The following ADAM17 variants were observed in gnomAD, a reference collection of about 807,000 sequenced individuals.
ADAM17 encodes disintegrin and metalloproteinase domain-containing protein 17.
A neutral mutation model predicts 96.7 loss-of-function variants in ADAM17; 39 were observed. That is an observed-to-expected ratio of 0.40 (90% CI 0.31 to 0.53). The LOEUF (loss-of-function observed/expected upper bound fraction) is 0.53, where lower values mean the gene tolerates loss of function less well. Ranked by LOEUF, ADAM17 falls within the 20% of genes least tolerant of loss-of-function variation. The pLI is 0.44. For missense variants in ADAM17, 777 were observed against 1,013.2 expected, an observed-to-expected ratio of 0.77 and a Z score of 3.17; for synonymous variants, 344 against 359.2, an observed-to-expected ratio of 0.96 and a Z score of 0.48.
rs34863481 is a variant in ADAM17 at position 9,518,259 on chromosome 2, C to CAAAAAAAAAAA, written c.958-23_958-13dup. Reference sequence around the variant, plus strand: ...TCAAAGCTAAATTGCTTTGAAAGACCAAAAAAAAAAAAAAAAAAAAAAGCA... The same window carrying CAAAAAAAAAAA: ...TCAAAGCTAAATTGCTTTGAAAGACCAAAAAAAAAAAAAAAAAAAAAAAAAAAAAAAAAGCA... On this transcript the variant is annotated splice_polypyrimidine_tract_variant and intron_variant, in intron 8 of 18. Coordinates refer to ENST00000310823, the MANE Select transcript of ADAM17 (RefSeq NM_003183.6). 4.9e-6 allele frequency: 4 copies of CAAAAAAAAAAA among 817,320 alleles called. 1 individual carries two copies. The highest frequency in any genetic ancestry group is 5.9e-6 in the Non-Finnish European group (4 of 679,248). 50.6% of individuals were successfully genotyped at this position (817,320 alleles called of 1,614,324 possible).
chr2:9,512,104 A>G (rs1340290762), intron 10 of ADAM17, among the ~76,000 whole-genome samples: 1 of 152,140 alleles, frequency 6.6e-6, no homozygotes, highest in African/African-American at 2.4e-5. Flanking sequence ...TCATTTTTCT[A>G]TACAAGAAGT....
At chr2:9,510,676 A>G (rs1462081634) in intron 10 of ADAM17, among the ~76,000 whole-genome samples, 1 of 151,574 alleles carries the variant, frequency 6.6e-6, no homozygotes, top group Non-Finnish European at 1.5e-5. Context: ...AAAAAAAAAA[A>G]AAAAAATTAG....
chr2:9,494,163 C>T (rs192356384), intron 15 of ADAM17, among the ~76,000 whole-genome samples: 3 of 152,234 alleles, frequency 2.0e-5, no homozygotes, highest in Non-Finnish European at 1.5e-5. Context: ...TGTGAAGCCT[C>T]GTAAATCTTA....
chr2:9,498,680 C>G (rs974489259), intron 13 of ADAM17, among the ~76,000 whole-genome samples: 6 of 152,220 alleles, frequency 3.9e-5, no homozygotes, highest in African/African-American at 1.4e-4. Flanking sequence ...CTTTCATGAG[C>G]ACTGGGCATT....
chr2:9,506,170 A>T (rs574018162), intron 11 of ADAM17, among the ~76,000 whole-genome samples: 1 of 152,184 alleles, frequency 6.6e-6, no homozygotes, highest in South Asian at 2.1e-4. Context: ...TGCTCTGCAG[A>T]TGCCAAAATG....
intron 1 of ADAM17, among the ~76,000 whole-genome samples, chr2:9,551,235 C>T (rs1367062064): frequency 7.5e-6 from 1 of 133,328 alleles, no homozygotes; most frequent in African/African-American, 2.8e-5. Context: ...CATGTAACAA[C>T]AAAGAAAAAA....
At position 9,497,147 on chromosome 2, in the gene ADAM17, T is replaced by C; in HGVS notation, c.1750A>G (p.Arg584Gly). The change falls in exon 14 of 19, where the codon AGG (arginine) becomes GGG (glycine). Residue 584 changes from arginine to glycine, a missense_variant. Transcript: ENST00000310823. ...KDGKCIPFCE[R>G]EQQLESCACN... ...GCACAGGACTCCAGCTGCTGTTCCC[T>C]CTCGCAGAAAGGGATGCATTTCCCA... is the stretch of plus-strand genomic sequence containing the variant. 6.2e-7 allele frequency: 1 copy of C among 1,614,178 alleles called. No individual in the cohort carries two copies. The highest frequency in any genetic ancestry group is 1.1e-5 in the South Asian group (1 of 91,088).
At chr2:9,531,473 G>T (rs1359133337) in intron 4 of ADAM17, among the ~76,000 whole-genome samples, 3 of 150,748 alleles carry the variant, frequency 2.0e-5, no homozygotes, top group African/African-American at 7.3e-5. Flanking sequence ...AGGCCGACGC[G>T]GGTGGATCAC....
intron 10 of ADAM17, among the ~76,000 whole-genome samples, chr2:9,513,926 G>C (rs2125013057): frequency 6.6e-6 from 1 of 150,898 alleles, no homozygotes; most frequent in East Asian, 2.0e-4. Context: ...CAGGAGAATT[G>C]CTTGAATCCG....
intron 11 of ADAM17, among the ~76,000 whole-genome samples, chr2:9,508,377 C>T (rs1175315715): frequency 1.3e-5 from 2 of 152,166 alleles, no homozygotes; most frequent in Admixed American, 6.5e-5. Flanking sequence ...CGCTACTTTT[C>T]CTCTGCTCCC....
chr2:9,550,935 C>G (rs1402433039), intron 1 of ADAM17, among the ~76,000 whole-genome samples: 1 of 148,812 alleles, frequency 6.7e-6, no homozygotes, highest in Non-Finnish European at 1.5e-5. Context: ...ATTAGCCAGG[C>G]GTGGTGGGGG....
At chr2:9,506,096 T>G (rs954513664) in intron 11 of ADAM17, among the ~76,000 whole-genome samples, 8 of 152,066 alleles carry the variant, frequency 5.3e-5, no homozygotes, top group Non-Finnish European at 1.2e-4. Flanking sequence ...CCTGAAGTTA[T>G]CAAAAAAAGA....
At chr2:9,538,016 A>AGGGGAGGGGAGGG (rs1553366532) in intron 2 of ADAM17, among the ~76,000 whole-genome samples, 10 of 31,868 alleles carry the variant, frequency 3.1e-4, no homozygotes, top group South Asian at 1.9e-3. Flanking sequence ...GGAGGGGAGG[A>AGGGGAGGGGAGGG]GAGGGGAGGG....
Position 9,517,888 on chromosome 2 carries a change from T to A in ADAM17, c.1191+13A>T, listed in dbSNP as rs1417688140. On this transcript the variant is annotated intron_variant, in intron 10 of 18. Transcript: ENST00000310823. ...AACTCTAACACTATTCTTTTAGAAA[T>A]AAAAGAACATACCTTTGTAAGGATG... 2 of 1,530,512 alleles carry A rather than the reference T, an allele frequency of 1.3e-6. No homozygotes were observed. Among genetic ancestry groups the A allele is most frequent in the Admixed American group, 4.2e-5 (2 of 47,596 alleles). The allele number at this position is 1,530,512 out of a possible 1,614,324, so 94.8% of individuals were successfully genotyped here. A position where few individuals can be genotyped will look rare whatever the true frequency, so the allele number is the denominator to read the frequency against.
chr2:9,492,148 T>G (rs1221039291), intron 17 of ADAM17, among the ~76,000 whole-genome samples: 1 of 152,196 alleles, frequency 6.6e-6, no homozygotes, highest in Non-Finnish European at 1.5e-5. Context: ...AGAGTTGTGC[T>G]GGAATTTTTA....
At chr2:9,536,294 G>T (rs1664957002) in intron 3 of ADAM17, among the ~76,000 whole-genome samples, 1 of 151,974 alleles carries the variant, frequency 6.6e-6, no homozygotes. Context: ...TCTCATTGCA[G>T]AAAAAGGTCA....
chr2:9,490,439 C>G lies in ADAM17; in HGVS notation c.2213G>C (p.Arg738Pro). The change falls in exon 19 of 19, where the codon CGC becomes CCC. Residue 738 changes from arginine to proline, a missense_variant. Arg to Pro is a moderately radical substitution (Grantham distance 103). Coordinates refer to ENST00000310823, the MANE Select transcript of ADAM17 (RefSeq NM_003183.6). ...AGGGATCACAGGGGCAGGCTGCAGGCGGCCTGGAGTCTGGGGCGCAGGAAA... is the reference window on the plus strand; with the variant it reads ...AGGGATCACAGGGGCAGGCTGCAGGGGGCCTGGAGTCTGGGGCGCAGGAAA... Reference protein sequence around the residue: ...KPFPAPQTPGRLQPAPVIPSA... With the variant: ...KPFPAPQTPGPLQPAPVIPSA... 1 of 1,614,112 alleles carries G rather than the reference C, an allele frequency of 6.2e-7. No individual in the cohort carries two copies. The highest frequency in any genetic ancestry group is 8.5e-7 in the Non-Finnish European group (1 of 1,180,014).
chr2:9,549,754 A>C (rs1665524872), intron 1 of ADAM17, among the ~76,000 whole-genome samples: 1 of 152,168 alleles, frequency 6.6e-6, no homozygotes, highest in Non-Finnish European at 1.5e-5. Context: ...CCTGGGCTCA[A>C]GTGATCCTTC....
intron 13 of ADAM17, among the ~76,000 whole-genome samples, chr2:9,501,334 C>T (rs750934980): frequency 1.8e-4 from 28 of 152,110 alleles, no homozygotes; most frequent in Non-Finnish European, 3.2e-4. Flanking sequence ...TTGGCCAGAA[C>T]GTCAGGATAA....
Sources: gnomAD v4.1 joint callset for allele counts (sites outside exome capture counted in the v4.1 genomes callset) on GRCh38, gnomAD v4.1.1 for gene constraint, MANE v1.5 for transcripts, NCBI Gene and HGNC (gene_info 2026-07-23, HGNC 2026-07-21) for gene names.